SLC38A12: variants seen among roughly 807,000 people sequenced by gnomAD.
SLC38A12 encodes the protein solute carrier family 38 member 12, also known as putative sodium-coupled neutral amino acid transporter 12.
the SLC38A12 span, among the ~76,000 whole-genome samples, chr17:74,828,083 C>T: frequency 6.6e-6 from 1 of 152,224 alleles, no homozygotes; most frequent in Non-Finnish European, 1.5e-5. Flanking sequence ...TTAGCCCTGG[C>T]ATGTTGATTC....
At chr17:74,813,831 C>T in the SLC38A12 span, among the ~76,000 whole-genome samples, 1 of 152,174 alleles carries the variant, frequency 6.6e-6, no homozygotes, top group Non-Finnish European at 1.5e-5. Flanking sequence ...AGGGAAGTAG[C>T]CCCTCTGTCT....
chr17:74,799,306 C>T, the SLC38A12 span, among the ~76,000 whole-genome samples: 17 of 152,350 alleles, frequency 1.1e-4, no homozygotes, highest in East Asian at 3.9e-4. Flanking sequence ...CGAACAGAGC[C>T]GGGAACGCAG....
the SLC38A12 span, among the ~76,000 whole-genome samples, chr17:74,818,340 G>C: frequency 1.3e-5 from 2 of 152,224 alleles, no homozygotes; most frequent in Non-Finnish European, 2.9e-5. Context: ...GCAGAAAGCT[G>C]CTCTTTCCAA....
chr17:74,791,031 A>G, the SLC38A12 span: 9 of 1,613,608 alleles, frequency 5.6e-6, no homozygotes, highest in African/African-American at 1.1e-4. Flanking sequence ...ATGTTCTTCA[A>G]TAAAGGTAGA....
chr17:74,834,867 G>C, the SLC38A12 span, among the ~76,000 whole-genome samples: 1 of 152,242 alleles, frequency 6.6e-6, no homozygotes, highest in East Asian at 1.9e-4. Flanking sequence ...TGGTCTCCGT[G>C]TGTGAGTAGC....
the SLC38A12 span, among the ~76,000 whole-genome samples, chr17:74,779,010 G>A: frequency 6.6e-6 from 1 of 152,138 alleles, no homozygotes; most frequent in Non-Finnish European, 1.5e-5. Context: ...GGAATAAATA[G>A]TGTCCCTCTC....
chr17:74,827,910 G>A, the SLC38A12 span, among the ~76,000 whole-genome samples: 3 of 135,300 alleles, frequency 2.2e-5, no homozygotes, highest in Admixed American at 1.4e-4. The surrounding 1 kb of genome is among the most constrained non-coding windows in gnomAD (Gnocchi z 4.7). Flanking sequence ...CACCCCTTCC[G>A]AGGCCCAGCT....
chr17:74,804,780 G>A, the SLC38A12 span, among the ~76,000 whole-genome samples: 12 of 152,362 alleles, frequency 7.9e-5, no homozygotes, highest in South Asian at 2.1e-4. Context: ...TGGGTGTTGG[G>A]CACTGGCTGA....
the SLC38A12 span, among the ~76,000 whole-genome samples, chr17:74,785,153 C>G: frequency 0.58 from 87,989 of 152,036 alleles, 25,908 homozygotes; most frequent in Non-Finnish European, 0.64. Flanking sequence ...GCTCTGTCCC[C>G]GGGAAGCCTA....
chr17:74,833,526 G>T, the SLC38A12 span, among the ~76,000 whole-genome samples: 1 of 152,256 alleles, frequency 6.6e-6, no homozygotes, highest in African/African-American at 2.4e-5. Context: ...CACAGTCAGG[G>T]CTGTAAGGAG....
the SLC38A12 span, among the ~76,000 whole-genome samples, chr17:74,806,465 A>G: frequency 6.6e-6 from 1 of 152,224 alleles, no homozygotes; most frequent in East Asian, 1.9e-4. Flanking sequence ...AGAGATCTCA[A>G]AAACTAAAAC....
chr17:74,797,943 G>C, the SLC38A12 span, among the ~76,000 whole-genome samples: 1 of 152,158 alleles, frequency 6.6e-6, no homozygotes, highest in Admixed American at 6.5e-5. Flanking sequence ...GTCCTTCCCC[G>C]CTGCCCCCTG....
the SLC38A12 span, among the ~76,000 whole-genome samples, chr17:74,792,105 C>T: frequency 0.022 from 3,309 of 150,338 alleles, 64 homozygotes; most frequent in South Asian, 0.056. Flanking sequence ...AAGATCGCGC[C>T]ACTGCACTCC....
At chr17:74,802,986 T>C in the SLC38A12 span, among the ~76,000 whole-genome samples, 2 of 152,114 alleles carry the variant, frequency 1.3e-5, no homozygotes, top group Non-Finnish European at 2.9e-5. Flanking sequence ...AGATGGGAAA[T>C]GATCTGTTGC....
At chr17:74,828,070 T>C in the SLC38A12 span, among the ~76,000 whole-genome samples, 4 of 152,190 alleles carry the variant, frequency 2.6e-5, no homozygotes, top group Non-Finnish European at 5.9e-5. Flanking sequence ...CCATTTGTTA[T>C]CATTAGCCCT....
the SLC38A12 span, among the ~76,000 whole-genome samples, chr17:74,782,918 TC>T: frequency 1.3e-5 from 2 of 152,072 alleles, no homozygotes; most frequent in Non-Finnish European, 2.9e-5. Context: ...TCATCTGAGG[TC>T]AGGGGTTCGA....
At chr17:74,834,080 G>A in the SLC38A12 span, among the ~76,000 whole-genome samples, 1 of 152,004 alleles carries the variant, frequency 6.6e-6, no homozygotes, top group Non-Finnish European at 1.5e-5. Flanking sequence ...AACTCCTGTG[G>A]GGTGGATCTC....
the SLC38A12 span, among the ~76,000 whole-genome samples, chr17:74,821,332 A>G: frequency 4.9e-3 from 745 of 152,346 alleles, 3 homozygotes; most frequent in Non-Finnish European, 8.5e-3. Context: ...CCATCCCTAG[A>G]CAGGGCGGAA....
At chr17:74,788,917 G>A in the SLC38A12 span, 10 of 1,565,008 alleles carry the variant, frequency 6.4e-6, no homozygotes, top group African/African-American at 8.1e-5. Flanking sequence ...GTTCCGTCAG[G>A]TACCCAGCAG....
Sources: allele counts gnomAD v4.1 joint callset (sites outside exome capture counted in the v4.1 genomes callset), GRCh38; gene constraint gnomAD v4.1.1; non-coding constraint Gnocchi (gnomAD v3.1); transcripts MANE v1.5; gene names NCBI Gene and HGNC (gene_info 2026-07-23, HGNC 2026-07-21).